The following PEBP4 variants were observed in gnomAD, a reference collection of about 807,000 sequenced individuals.
The protein encoded by PEBP4 is phosphatidylethanolamine-binding protein 4.
PEBP4 carries 22 observed loss-of-function variants against 23.9 expected under a neutral mutation model. That is an observed-to-expected ratio of 0.92 (90% CI 0.66 to 1.31). The LOEUF is 1.31. PEBP4 is among the 40% of genes most tolerant of loss of function. PEBP4 has a pLI of 0.00. For missense variants in PEBP4, 324 were observed against 281.7 expected (o/e 1.15, Z -1.07); for synonymous variants, 112 against 99.3 (o/e 1.13, Z -0.76).
chr8:22,916,802 C>G (rs1270319632), intron 3 of PEBP4, among the ~76,000 whole-genome samples: 1 of 152,240 alleles, frequency 6.6e-6, no homozygotes, highest in Non-Finnish European at 1.5e-5. Flanking sequence ...TCTCTCCTAA[C>G]TTACAAAGTG....
intron 4 of PEBP4, among the ~76,000 whole-genome samples, chr8:22,766,687 G>A (rs542366194): frequency 6.6e-6 from 1 of 152,336 alleles, no homozygotes; most frequent in Admixed American, 6.5e-5. Flanking sequence ...CAGCACCCGG[G>A]GCGGCGGTTG....
chr8:22,924,817 C>G (rs1036166885), intron 2 of PEBP4: 1 of 985,232 alleles, frequency 1.0e-6, no homozygotes, highest in African/African-American at 1.7e-5. Flanking sequence ...GGTGGTTTTG[C>G]TGGTCTTGTC....
intron 2 of PEBP4, among the ~76,000 whole-genome samples, chr8:22,921,084 C>A (rs1809190040): frequency 6.6e-6 from 1 of 152,252 alleles, no homozygotes; most frequent in African/African-American, 2.4e-5. Flanking sequence ...GCAGGCCGGG[C>A]TGGGCCATGA....
At chr8:22,788,569 G>C (rs1182100643) in intron 4 of PEBP4, among the ~76,000 whole-genome samples, 1 of 152,176 alleles carries the variant, frequency 6.6e-6, no homozygotes, top group African/African-American at 2.4e-5. Flanking sequence ...GTCCCATCCT[G>C]GGCCTCGGTT....
At chr8:22,738,377 T>C (rs960981046) in intron 4 of PEBP4, among the ~76,000 whole-genome samples, 1 of 151,708 alleles carries the variant, frequency 6.6e-6, no homozygotes, top group African/African-American at 2.4e-5. Context: ...GCCTTGGGGG[T>C]CAGACAGAGG....
intron 4 of PEBP4, among the ~76,000 whole-genome samples, chr8:22,736,610 TA>T (rs1391881501): frequency 6.6e-6 from 1 of 152,008 alleles, no homozygotes; most frequent in African/African-American, 2.4e-5. Context: ...GTCTCAAAAA[TA>T]AAAAAAGTAG....
chr8:22,842,140 G>C (rs754317136), intron 3 of PEBP4, among the ~76,000 whole-genome samples: 7 of 152,218 alleles, frequency 4.6e-5, no homozygotes, highest in Non-Finnish European at 1.0e-4. Context: ...ACAGATAAAA[G>C]GAACTGCTAA....
chr8:22,884,576 C>T (rs1053718011), intron 3 of PEBP4: 1 of 152,210 alleles, frequency 6.6e-6, no homozygotes, highest in African/African-American at 2.4e-5. Context: ...CAGTGCATGA[C>T]TTGAGAGCAC....
upstream of PEBP4, among the ~76,000 whole-genome samples, chr8:22,929,232 C>T (rs750569314): frequency 1.3e-5 from 2 of 152,244 alleles, no homozygotes; most frequent in Non-Finnish European, 1.5e-5. Context: ...CAACCCACTT[C>T]ACTCATAGGC....
At chr8:22,731,644 TC>T (rs1383872835) in intron 4 of PEBP4, among the ~76,000 whole-genome samples, 3,646 of 103,668 alleles carry the variant, frequency 0.035, 161 homozygotes, top group African/African-American at 0.15. Flanking sequence ...TATTTATTTA[TC>T]TATCTATCTA....
At position 22,713,438 on chromosome 8, in the gene PEBP4, G is replaced by A. The variant is rs1804349250; in HGVS notation, c.616C>T (p.Leu206Phe). 1 of 1,613,754 alleles carries A rather than the reference G, an allele frequency of 6.2e-7. No homozygotes were observed. Among genetic ancestry groups the A allele is most frequent in the Non-Finnish European group, 8.5e-7 (1 of 1,179,906 alleles). Residue 206 changes from leucine (L) to phenylalanine (F), a missense_variant, in exon 7 of 7, where the codon CTC becomes TTC. Coordinates refer to ENST00000256404, the MANE Select transcript of PEBP4 (RefSeq NM_144962.3). ...MTQNYQDSPT[L>F]QAPRERASEP... is the part of the protein sequence containing the mutation. ...CTGGCCCTTTCTCTGGGAGCCTGGA[G>A]GGTTGGTGAGTCCTGGTAGTTCTGG...
rs146897313 is a variant in PEBP4, at chr8:22,869,919, C to G, written c.258+50265G>C. On this transcript the variant is annotated intron_variant, in intron 3 of 6. Transcript: ENST00000256404. ...CACTGACAACATCAAATGCTGATGA[C>G]GATGTGGAGCCCTAGGAACTCTCAT... 6.6e-3 allele frequency among the ~76,000 whole-genome samples: 1,012 copies of G among 152,294 alleles called. 2 individuals are homozygous for G. The highest frequency in any genetic ancestry group is 0.01 in the Non-Finnish European group (681 of 68,024).
intron 3 of PEBP4, among the ~76,000 whole-genome samples, chr8:22,875,171 AG>A (rs1369413635): frequency 3.3e-5 from 5 of 151,856 alleles, no homozygotes; most frequent in Non-Finnish European, 5.9e-5. Context: ...CCCGAGACTC[AG>A]GTGCCTGATG....
intron 3 of PEBP4, among the ~76,000 whole-genome samples, chr8:22,869,819 T>C (rs189635522): frequency 8.5e-5 from 13 of 152,330 alleles, no homozygotes; most frequent in Non-Finnish European, 1.5e-4. Context: ...GCTCATGATA[T>C]GTCACTAGTG....
At chr8:22,892,936 G>A (rs568638992) in intron 3 of PEBP4, among the ~76,000 whole-genome samples, 4 of 152,300 alleles carry the variant, frequency 2.6e-5, no homozygotes, top group Admixed American at 1.3e-4. Flanking sequence ...AGGAGATAGA[G>A]CTCAAGTCCA....
chr8:22,744,814 C>T (rs2128750961), intron 4 of PEBP4: 1 of 152,350 alleles, frequency 6.6e-6, no homozygotes, highest in African/African-American at 2.4e-5. Context: ...CAGCACTCTC[C>T]ACTCTAGGGG....
intron 3 of PEBP4, among the ~76,000 whole-genome samples, chr8:22,913,916 T>C (rs1809008489): frequency 6.6e-6 from 1 of 151,910 alleles, no homozygotes; most frequent in South Asian, 2.1e-4. Context: ...ACTCCTGGGT[T>C]CAAGTGATTT....
chr8:22,716,504 G>A, intron 6 of PEBP4, among the ~76,000 whole-genome samples: 1 of 152,218 alleles, frequency 6.6e-6, no homozygotes, highest in East Asian at 1.9e-4. Flanking sequence ...TGGGGAAGGG[G>A]CTCCTCCTCG....
At chr8:22,785,380 C>T (rs1806007109) in intron 4 of PEBP4, among the ~76,000 whole-genome samples, 1 of 152,160 alleles carries the variant, frequency 6.6e-6, no homozygotes, top group Admixed American at 6.5e-5. Flanking sequence ...CTCTGCATTT[C>T]CTGCCGAGTG....
Sources: gnomAD v4.1 joint callset for allele counts (sites outside exome capture counted in the v4.1 genomes callset) on GRCh38, gnomAD v4.1.1 for gene constraint, MANE v1.5 for transcripts, NCBI Gene and HGNC (gene_info 2026-07-23, HGNC 2026-07-21) for gene names.